Variants in BIRC6 observed in about 807,000 individuals in gnomAD.
The protein encoded by BIRC6 is baculoviral IAP repeat containing 6, also known as dual E2 ubiquitin-conjugating enzyme/E3 ubiquitin-protein ligase BIRC6.
Under a neutral mutation model 503.3 loss-of-function variants are expected in BIRC6, and 98 were observed. That is an observed-to-expected ratio of 0.19 (90% CI 0.17 to 0.23). The LOEUF (loss-of-function observed/expected upper bound fraction) is 0.23. Among genes scored for constraint, BIRC6 ranks in the 10% least tolerant of loss-of-function variants. The pLI, the probability that BIRC6 is intolerant of heterozygous loss-of-function variation, is 1.00. For missense variants in BIRC6, 5,360 were observed against 5,806.0 expected, an observed-to-expected ratio of 0.92 and a Z score of 2.50; for synonymous variants, 2,240 against 2,078.7, an observed-to-expected ratio of 1.08 and a Z score of -2.11.
intron 3 of BIRC6, among the ~76,000 whole-genome samples, chr2:32,384,208 A>C (rs753765452): frequency 6.6e-5 from 10 of 152,212 alleles, no homozygotes; most frequent in Non-Finnish European, 1.5e-4. Flanking sequence ...ACTGTATCAT[A>C]CATTTTTGGT....
At chr2:32,594,717 T>TGGAA (rs1427982780) in intron 67 of BIRC6, among the ~76,000 whole-genome samples, 3 of 151,782 alleles carry the variant, frequency 2.0e-5, no homozygotes, top group Non-Finnish European at 4.4e-5. Context: ...GATGGATGGA[T>TGGAA]GGATGGATGG....
chr2:32,556,794 C>T (rs1462361967), intron 65 of BIRC6, among the ~76,000 whole-genome samples: 4 of 152,098 alleles, frequency 2.6e-5, no homozygotes, highest in Non-Finnish European at 4.4e-5. Flanking sequence ...AAAAATTAGC[C>T]GGGTGTGGTG....
At chr2:32,610,509 T>A (rs545853823) in intron 72 of BIRC6, among the ~76,000 whole-genome samples, 2 of 152,346 alleles carry the variant, frequency 1.3e-5, no homozygotes, top group Admixed American at 6.5e-5. Context: ...TTCTGGGGAT[T>A]TCTGTGTGAA....
Position 32,469,593 on chromosome 2 carries a change from T to C in BIRC6, c.6326T>C (p.Leu2109Pro). ...CAGGAATTGTACAATTCGGAACAGC[T>C]TCTCATCTTTCCACAGGATAGGTAG... ...VLQELYNSEQ[L>P]LIFPQDRVFM... is the part of the protein sequence containing the mutation. The change falls in exon 30 of 74, where the codon CTT becomes CCT. Residue 2109 changes from leucine to proline, a missense_variant. This residue lies in a region of BIRC6 where 2,299 missense variants were observed against 2,267.2 expected (regional missense o/e 1.01). Transcript: ENST00000421745. 1.2e-6 allele frequency: 2 copies of C among 1,613,380 alleles called. No homozygotes were observed. The highest frequency in any genetic ancestry group is 1.7e-5 in the Admixed American group (1 of 60,004).
intron 2 of BIRC6, chr2:32,379,602 A>G (rs2037333798): frequency 6.6e-6 from 1 of 152,180 alleles, no homozygotes; most frequent in South Asian, 2.1e-4. Context: ...CCTTTACTGC[A>G]TCAGATTAGT....
At chr2:32,538,140 A>G (rs2057383221) in intron 61 of BIRC6, among the ~76,000 whole-genome samples, 1 of 152,170 alleles carries the variant, frequency 6.6e-6, no homozygotes, top group African/African-American at 2.4e-5. Flanking sequence ...TGGGACAGGT[A>G]GAACTCAGAC....
chr2:32,373,934 A>C (rs954374245), intron 1 of BIRC6, among the ~76,000 whole-genome samples: 1 of 152,254 alleles, frequency 6.6e-6, no homozygotes, highest in Non-Finnish European at 1.5e-5. Context: ...TGCTAAGGGA[A>C]ATAAGCCAGT....
intron 1 of BIRC6, among the ~76,000 whole-genome samples, chr2:32,377,216 TG>T (rs2036932269): frequency 8.7e-6 from 1 of 115,214 alleles, no homozygotes; most frequent in African/African-American, 3.7e-5. Context: ...AATATATATG[TG>T]TGTGTGTGTG....
In BIRC6 at chr2:32,549,371, C is replaced by G. The variant is rs1397573134; in HGVS notation, c.13034C>G (p.Ser4345Cys). 6.0e-6 allele frequency: 9 copies of G among 1,506,472 alleles called. No individual in the cohort carries two copies. The highest frequency in any genetic ancestry group is 6.3e-6 in the Non-Finnish European group (7 of 1,106,462). The allele number at this position is 1,506,472 out of a possible 1,614,324, so 93.3% of individuals were successfully genotyped here. A position where few individuals can be genotyped will look rare whatever the true frequency, so the allele number is the denominator to read the frequency against. Residue 4345 changes from serine to cysteine, a missense_variant, in exon 65 of 74, where the codon TCT becomes TGT. Physicochemically the swap from Ser to Cys is moderately radical, Grantham distance 112. This residue lies in a region of BIRC6 where 477 missense variants were observed against 574.4 expected (regional missense o/e 0.83). Transcript: ENST00000421745. Reference protein sequence around the residue: ...SSAVNGEAQSSHETRGQNSNA... With the variant: ...SSAVNGEAQSCHETRGQNSNA... ...GCGGTAAATGGAGAAGCTCAGTCATCTCATGAGACTAGAGGGCAGAACAGT... is the reference window on the plus strand; with the variant it reads ...GCGGTAAATGGAGAAGCTCAGTCATGTCATGAGACTAGAGGGCAGAACAGT...
At chr2:32,427,075 C>G (rs1055031688) in intron 10 of BIRC6, among the ~76,000 whole-genome samples, 4 of 151,996 alleles carry the variant, frequency 2.6e-5, no homozygotes, top group African/African-American at 9.7e-5. Context: ...CTCTCAAGAG[C>G]TTATATATAT....
intron 49 of BIRC6, 25 bp from the exon 50 acceptor site, chr2:32,504,980 A>C (rs755885763): frequency 2.5e-6 from 4 of 1,578,632 alleles, no homozygotes; most frequent in Non-Finnish European, 3.5e-6. Context: ...AAGTTCTTAT[A>C]ATTTATGTAA....
chr2:32,495,790 GTTTTTTTTTT>G (rs11464835), intron 45 of BIRC6, among the ~76,000 whole-genome samples: 5 of 84,812 alleles, frequency 5.9e-5, no homozygotes, highest in Non-Finnish European at 1.1e-4. Context: ...TCAGGATGAA[GTTTTTTTTTT>G]TTTTTTTTTT....
intron 11 of BIRC6, among the ~76,000 whole-genome samples, chr2:32,430,268 TGTA>T (rs1346551516): frequency 6.6e-6 from 1 of 152,228 alleles, no homozygotes; most frequent in African/African-American, 2.4e-5. Flanking sequence ...TGTGAATACA[TGTA>T]TAGCATTTGT....
rs895667530 is a variant in BIRC6, at chr2:32,618,214, G to GTTTAT, written c.*324_*328dup. ...CCTTAGGAAAGAATGTTTACTGAAT[G>GTTTAT]TTTATTTTATTTTATTTTTTTTTTA... On this transcript the variant is annotated 3_prime_UTR_variant, in exon 74 of 74. Coordinates refer to ENST00000421745, the MANE Select transcript of BIRC6 (RefSeq NM_016252.4). 6.3e-6 allele frequency: 1 copy of GTTTAT among 159,164 alleles called. No individual in the cohort carries two copies. The highest frequency in any genetic ancestry group is 1.3e-5 in the Non-Finnish European group (1 of 78,090). The allele number at this position is 159,164 out of a possible 1,614,324, so 9.9% of individuals were successfully genotyped here. A position where few individuals can be genotyped will look rare whatever the true frequency, so the allele number is the denominator to read the frequency against.
At chr2:32,536,659 G>A (rs2057263306) in intron 61 of BIRC6, among the ~76,000 whole-genome samples, 1 of 152,094 alleles carries the variant, frequency 6.6e-6, no homozygotes, top group African/African-American at 2.4e-5. Context: ...TGTTCCATTG[G>A]TCTGTATGTC....
chr2:32,491,637 TA>T, intron 44 of BIRC6, 79 bp downstream of exon 44: 1 of 1,431,718 alleles, frequency 7.0e-7, no homozygotes, highest in South Asian at 1.4e-5. Flanking sequence ...GTAACTTTTT[TA>T]TTGCTAAAGT....
At chr2:32,416,302 C>A in intron 10 of BIRC6, 139 bp downstream of exon 10, 1 of 890,038 alleles carries the variant, frequency 1.1e-6, no homozygotes, top group Non-Finnish European at 1.7e-6. Flanking sequence ...GTAAATCCTT[C>A]TTTTTAAACT....
At chr2:32,519,479 G>C (rs771246990) in intron 57 of BIRC6, among the ~76,000 whole-genome samples, 5 of 152,048 alleles carry the variant, frequency 3.3e-5, no homozygotes, top group African/African-American at 4.8e-5. Flanking sequence ...TTAAAAAGCA[G>C]TTTTTGATGG....
In BIRC6 at chr2:32,415,950, A is replaced by C. The variant is rs768318207; in HGVS notation, c.2659A>C (p.Asn887His). ...TGAGGACATGCAGTTAACCTCAAAG[A>C]ATGGTTTTGAGAGAGAAAAAACGTC... ...PIEDMQLTSK[N>H]GFEREKTSDI... The change falls in exon 10 of 74, where the codon AAT becomes CAT. Residue 887 changes from asparagine to histidine, a missense_variant. Coordinates refer to ENST00000421745, the MANE Select transcript of BIRC6 (RefSeq NM_016252.4). 3.1e-6 allele frequency: 5 copies of C among 1,613,788 alleles called. No homozygotes were observed. Among genetic ancestry groups the C allele is most frequent in the Admixed American group, 3.3e-5 (2 of 60,002 alleles).
Sources: gnomAD v4.1 joint callset for allele counts (sites outside exome capture counted in the v4.1 genomes callset) on GRCh38, gnomAD v4.1.1 for gene constraint, gnomAD v4.1.1 regional missense constraint, MANE v1.5 for transcripts, NCBI Gene and HGNC (gene_info 2026-07-23, HGNC 2026-07-21) for gene names.